RECQL: variants seen among roughly 807,000 people sequenced by gnomAD.
RECQL encodes ATP-dependent DNA helicase Q1.
Under a neutral mutation model 75.8 loss-of-function variants are expected in RECQL, and 73 were observed. The observed-to-expected ratio is 0.96, with a 90% CI of 0.80 to 1.17. The LOEUF is 1.17. RECQL is among the 50% of genes most tolerant of loss of function. The pLI, the probability that RECQL is intolerant of heterozygous loss-of-function variation, is 0.00. For missense variants in RECQL, 699 were observed against 772.1 expected (o/e 0.91, Z 1.12); for synonymous variants, 248 against 254.4 (o/e 0.97, Z 0.24).
rs528816709 is a variant in RECQL at position 21,480,997 on chromosome 12, T to C, written c.700+2379A>G. 2.0e-5 allele frequency among the ~76,000 whole-genome samples: 3 copies of C among 152,372 alleles called. 1 individual carries two copies. In the South Asian group the frequency reaches 6.2e-4, roughly 32 times the overall value. ...TTACTTTTTCAGTTATCTATTTAGC[T>C]ACTTTTTACCTAGTTCACAATTCTT... On this transcript the variant is annotated intron_variant, in intron 6 of 14. Transcript: ENST00000444129.
chr12:21,474,921 T>A lies in RECQL; in HGVS notation c.1275A>T (p.Arg425Ser). 1 of 1,613,132 alleles carries A rather than the reference T, an allele frequency of 6.2e-7. No homozygotes were observed. The highest frequency in any genetic ancestry group is 8.5e-7 in the Non-Finnish European group (1 of 1,179,230). The change falls in exon 11 of 15, where the codon AGA (arginine) becomes AGT (serine). Residue 425 changes from arginine to serine, a missense_variant. By Grantham distance (110) the Arg-to-Ser change is moderately radical (BLOSUM62 -1). Coordinates refer to ENST00000444129, the MANE Select transcript of RECQL (RefSeq NM_002907.4). ...TTTCCATCACCACCATTGAACTTAT[T>A]CTGAATATATCTCCAAAGCCGTAGT... ...ILYYGFGDIF[R>S]ISSMVVMENV...
At chr12:21,501,139 G>A (rs988360387) in intron 1 of RECQL, 31 bp downstream of exon 1, 9 of 152,122 alleles carry the variant, frequency 5.9e-5, no homozygotes, top group African/African-American at 1.4e-4. Context: ...GTGAAGCAGG[G>A]GGTGGAAGAA....
In RECQL at chr12:21,471,494, G is replaced by A. The variant is rs1942962644; in HGVS notation, c.1601C>T (p.Ala534Val). The change falls in exon 13 of 15, where the codon GCT becomes GTT. Residue 534 changes from alanine to valine, a missense_variant. By Grantham distance (64) the Ala-to-Val change is moderately conservative. Around this residue, in one of 2 missense-constraint regions of RECQL, gnomAD observed 669 missense variants for 713.5 expected, o/e 0.94. Transcript: ENST00000444129. ...CAGATCTTCACGAGGAAGTGTGGGA[G>A]CCACAACACCTGCTACTCTCAGTTT... ...AAKLRVAGVV[A>V]PTLPREDLEK... 1 of 1,613,170 alleles carries A rather than the reference G, an allele frequency of 6.2e-7. No individual in the cohort carries two copies. The highest frequency in any genetic ancestry group is 8.5e-7 in the Non-Finnish European group (1 of 1,179,440).
At position 21,475,713 on chromosome 12, in the gene RECQL, G is replaced by C. The variant is rs754921985; in HGVS notation, c.1061C>G (p.Thr354Ser). The change falls in exon 9 of 15, where the codon ACC becomes AGC. Residue 354 changes from threonine (T) to serine (S), a missense_variant. By Grantham distance (58) the Thr-to-Ser change is moderately conservative (BLOSUM62 1). This residue lies in a region of RECQL where 669 missense variants were observed against 713.5 expected (regional missense o/e 0.94). Coordinates refer to ENST00000444129, the MANE Select transcript of RECQL (RefSeq NM_002907.4). ...GGCTGACCATTTTCTATGAACTGTG[G>C]TCTTATCTTCTGGCTCCAAATTGGC... is the stretch of plus-strand genomic sequence containing the variant. ...YHANLEPEDK[T>S]TVHRKWSANE... 6.2e-7 allele frequency: 1 copy of C among 1,613,406 alleles called. No individual in the cohort carries two copies. Among genetic ancestry groups the C allele is most frequent in the Non-Finnish European group, 8.5e-7 (1 of 1,179,526 alleles).
At chr12:21,485,004 G>A (rs1943262799) in intron 5 of RECQL, among the ~76,000 whole-genome samples, 1 of 151,934 alleles carries the variant, frequency 6.6e-6, no homozygotes, top group Admixed American at 6.6e-5. Flanking sequence ...AAGAAAGAGT[G>A]ACAGAATTAG....
Position 21,501,364 on chromosome 12 carries a change from G to GCATCT in RECQL, c.-241_-240insAGATG. On this transcript the variant is annotated 5_prime_UTR_variant, in exon 1 of 15. In the 5' UTR this introduces an upstream ATG that the reference lacks. Transcript: ENST00000444129. ...GAAAGGAAGTGATCCGCTACAGACC[G>GCATCT]GCCTCGCCCTGCAGCAGGAAAGGGA... is the stretch of plus-strand genomic sequence containing the variant. The GCATCT allele has an allele frequency of 6.6e-6, 1 of 152,534 alleles. No homozygotes were observed. Among genetic ancestry groups the GCATCT allele is most frequent in the Non-Finnish European group, 1.5e-5 (1 of 68,306 alleles). The allele number at this position is 152,534 out of a possible 1,614,324, so 9.4% of individuals were successfully genotyped here.
chr12:21,469,963 G>GT lies in RECQL; in HGVS notation c.*230dup. ...TTCTCAAATATTTTACATTTAAAGG[G>GT]TTTTACATAAAAATTTTTCCCTTGT... On this transcript the variant is annotated 3_prime_UTR_variant, in exon 15 of 15. Transcript: ENST00000444129. 1 of 460,322 alleles carries GT rather than the reference G, an allele frequency of 2.2e-6. No homozygotes were observed. The highest frequency in any genetic ancestry group is 3.6e-6 in the Non-Finnish European group (1 of 277,792). 28.5% of individuals were successfully genotyped at this position (460,322 alleles called of 1,614,324 possible).
rs572059112 is a variant in RECQL, at chr12:21,476,318, C to T, written c.950-494G>A. Reference sequence around the variant, plus strand: ...TCCAGGCAGAATAAATACCTGCAACCTTTCTCAAATTCATTTGACCCTAGA... The same window carrying T: ...TCCAGGCAGAATAAATACCTGCAACTTTTCTCAAATTCATTTGACCCTAGA... On this transcript the variant is annotated intron_variant, in intron 8 of 14. Coordinates refer to ENST00000444129, the MANE Select transcript of RECQL (RefSeq NM_002907.4). 7.9e-5 allele frequency among the ~76,000 whole-genome samples: 12 copies of T among 152,110 alleles called. No individual in the cohort carries two copies. In the South Asian group the frequency reaches 1.2e-3, roughly 16 times the overall value.
intron 2 of RECQL, among the ~76,000 whole-genome samples, chr12:21,492,733 C>T (rs1197216013): frequency 1.3e-5 from 2 of 152,120 alleles, no homozygotes; most frequent in African/African-American, 2.4e-5. Flanking sequence ...ACTTTGTGGA[C>T]GTGGGGCAGA....
intron 7 of RECQL, 81 bp downstream of exon 7, chr12:21,477,722 T>C: frequency 8.3e-7 from 1 of 1,208,228 alleles, no homozygotes; most frequent in Non-Finnish European, 1.1e-6. Context: ...TAACTGCTCA[T>C]GTAAATAAAC....
At chr12:21,494,516 T>C (rs545888968) in intron 2 of RECQL, among the ~76,000 whole-genome samples, 1 of 152,206 alleles carries the variant, frequency 6.6e-6, no homozygotes, top group South Asian at 2.1e-4. Context: ...CTTGGCTCAT[T>C]GCCTGAAACC....
chr12:21,495,304 A>T (rs1428952581), intron 2 of RECQL, among the ~76,000 whole-genome samples: 1 of 152,168 alleles, frequency 6.6e-6, no homozygotes, highest in African/African-American at 2.4e-5. Context: ...CATTAGAAAA[A>T]AAGAGAAATC....
At chr12:21,474,729 G>C in intron 11 of RECQL, 112 bp downstream of exon 11, 1 of 990,274 alleles carries the variant, frequency 1.0e-6, no homozygotes, top group African/African-American at 1.6e-5. Context: ...CTGCTTTTAT[G>C]GATCTGCACT....
At chr12:21,475,989 C>T (rs865846956) in intron 8 of RECQL, among the ~76,000 whole-genome samples, 165 bp from the exon 9 acceptor site, 2 of 151,896 alleles carry the variant, frequency 1.3e-5, no homozygotes, top group South Asian at 4.1e-4. Context: ...GGTATAATTC[C>T]AGATTTGAGC....
chr12:21,499,279 G>A (rs960336543), intron 2 of RECQL, among the ~76,000 whole-genome samples: 17 of 152,266 alleles, frequency 1.1e-4, no homozygotes, highest in Non-Finnish European at 1.2e-4. Context: ...GGAAAGTTAC[G>A]GATTAATGAG....
intron 2 of RECQL, among the ~76,000 whole-genome samples, chr12:21,495,693 T>TCCA (rs1231253291): frequency 1.1e-4 from 16 of 152,350 alleles, no homozygotes; most frequent in Non-Finnish European, 1.5e-5. Context: ...GCCATGGTGA[T>TCCA]CCACCAGTCA....
intron 6 of RECQL, among the ~76,000 whole-genome samples, chr12:21,478,783 G>A (rs192540748): frequency 2.4e-4 from 36 of 152,314 alleles, no homozygotes; most frequent in African/African-American, 7.9e-4. Flanking sequence ...AGATTTGGTG[G>A]CAGAAGTGAA....
chr12:21,490,415 A>G lies in RECQL; in HGVS notation c.215-37T>C, dbSNP rs780140994. 8.9e-6 allele frequency: 12 copies of G among 1,347,738 alleles called. No homozygotes were observed. In the South Asian group the frequency reaches 1.4e-4, roughly 16 times the overall value. The allele number at this position is 1,347,738 out of a possible 1,614,324, so 83.5% of individuals were successfully genotyped here. A position where few individuals can be genotyped will look rare whatever the true frequency, so the allele number is the denominator to read the frequency against. On this transcript the variant is annotated intron_variant, in intron 3 of 14. Transcript: ENST00000444129. ...AAGTTAAGAATCAGACAAACATGTA[A>G]GACTATTATAGAAGTTTGATAAGAA...
chr12:21,470,897 G>C (rs1591966144), intron 14 of RECQL, 72 bp downstream of exon 14: 1 of 1,139,188 alleles, frequency 8.8e-7, no homozygotes, highest in African/African-American at 1.6e-5. Context: ...AGGGGAATAT[G>C]ACAGAAAAGC....
Sources: allele counts gnomAD v4.1 joint callset (sites outside exome capture counted in the v4.1 genomes callset), GRCh38; gene constraint gnomAD v4.1.1; regional missense constraint gnomAD v4.1.1; transcripts MANE v1.5; gene names NCBI Gene and HGNC (gene_info 2026-07-23, HGNC 2026-07-21).